Variants in OXR1 observed in about 807,000 individuals in gnomAD.
The protein encoded by OXR1 is oxidation resistance protein 1.
OXR1 carries 41 observed loss-of-function variants against 104.6 expected under a neutral mutation model. The observed-to-expected ratio is 0.39, with a 90% CI of 0.31 to 0.51. The LOEUF is 0.51. Ranked by LOEUF, OXR1 falls within the 20% of genes least tolerant of loss-of-function variation. OXR1 has a pLI of 0.77. For missense variants in OXR1, 955 were observed against 1,031.9 expected (o/e 0.93, Z 1.02); for synonymous variants, 348 against 348.4 (o/e 1.00, Z 0.01).
chr8:106,555,924 A>ATATG (rs1206959519), intron 3 of OXR1, among the ~76,000 whole-genome samples: 1 of 28,012 alleles, frequency 3.6e-5, no homozygotes, highest in African/African-American at 1.2e-4. Flanking sequence ...ATACGTATAT[A>ATATG]TATGTACATA....
chr8:106,275,899 T>C (rs1464157523), intron 1 of OXR1, among the ~76,000 whole-genome samples: 1 of 152,184 alleles, frequency 6.6e-6, no homozygotes, highest in African/African-American at 2.4e-5. Context: ...AGATAAGTAA[T>C]AGCAATGCAG....
At chr8:106,697,566 G>T in intron 7 of OXR1, 1 of 1,610,926 alleles carries the variant, frequency 6.2e-7, no homozygotes, top group South Asian at 1.1e-5. Flanking sequence ...TAGGGAACCA[G>T]TTGGGATCCC....
At chr8:106,447,089 A>G (rs906911840) in intron 2 of OXR1, among the ~76,000 whole-genome samples, 5 of 152,178 alleles carry the variant, frequency 3.3e-5, no homozygotes, top group African/African-American at 9.7e-5. Context: ...ATGTTGTGTA[A>G]TTTATAGCTG....
chr8:106,598,383 A>G (rs764614424), intron 3 of OXR1, among the ~76,000 whole-genome samples: 1 of 152,156 alleles, frequency 6.6e-6, no homozygotes, highest in South Asian at 2.1e-4. Context: ...TCACAGCTCT[A>G]TCACTACAGG....
chr8:106,629,640 A>G (rs558330302), intron 3 of OXR1, among the ~76,000 whole-genome samples: 1 of 152,350 alleles, frequency 6.6e-6, no homozygotes, highest in East Asian at 1.9e-4. Flanking sequence ...TGTAAAAAAC[A>G]CCAGTACAGA....
chr8:106,686,683 C>T (rs1828762268), intron 6 of OXR1, among the ~76,000 whole-genome samples: 1 of 151,982 alleles, frequency 6.6e-6, no homozygotes, highest in South Asian at 2.1e-4. Context: ...GTTTATATTA[C>T]CAGCAACCAC....
At chr8:106,383,304 A>G (rs1189067714) in intron 2 of OXR1, among the ~76,000 whole-genome samples, 3 of 152,142 alleles carry the variant, frequency 2.0e-5, no homozygotes, top group Admixed American at 1.3e-4. Flanking sequence ...CATAGTTAAC[A>G]TCATTGGTTT....
intron 2 of OXR1, among the ~76,000 whole-genome samples, chr8:106,511,375 T>C (rs892139119): frequency 6.6e-6 from 1 of 152,204 alleles, no homozygotes; most frequent in Non-Finnish European, 1.5e-5. Flanking sequence ...AATAATATTC[T>C]TACATTAGCT....
chr8:106,329,913 CAAA>C (rs372269322), intron 1 of OXR1, among the ~76,000 whole-genome samples: 1 of 133,320 alleles, frequency 7.5e-6, no homozygotes. Context: ...GAACTCAATT[CAAA>C]AAAAAAAAAA....
At chr8:106,601,722 A>G (rs988006235) in intron 3 of OXR1, among the ~76,000 whole-genome samples, 6 of 152,200 alleles carry the variant, frequency 3.9e-5, no homozygotes, top group African/African-American at 1.4e-4. Context: ...CCTCCTGCCT[A>G]TGGGAATGTG....
intron 2 of OXR1, among the ~76,000 whole-genome samples, chr8:106,500,023 A>C (rs1811680916): frequency 1.3e-5 from 2 of 152,254 alleles, no homozygotes; most frequent in Admixed American, 1.3e-4. Flanking sequence ...AGGAATCACA[A>C]GTGACTACTG....
intron 3 of OXR1, among the ~76,000 whole-genome samples, chr8:106,523,268 A>G (rs1184510849): frequency 6.6e-6 from 1 of 152,216 alleles, no homozygotes; most frequent in African/African-American, 2.4e-5. Flanking sequence ...AGGATCACCC[A>G]GGTAATTTTT....
intron 3 of OXR1, among the ~76,000 whole-genome samples, chr8:106,599,791 C>T (rs1033289245): frequency 1.3e-5 from 2 of 152,106 alleles, no homozygotes; most frequent in African/African-American, 2.4e-5. Flanking sequence ...CCAACCTTTT[C>T]GGTATCAGGG....
At chr8:106,742,360 A>G (rs1485433536) in intron 15 of OXR1, 43 bp downstream of exon 15, 17 of 1,114,636 alleles carry the variant, frequency 1.5e-5, no homozygotes, top group Non-Finnish European at 2.0e-5. Flanking sequence ...AAGAGTTGAC[A>G]TAACATACTG....
chr8:106,361,195 T>TG (rs1816230097), intron 2 of OXR1, among the ~76,000 whole-genome samples: 1 of 152,076 alleles, frequency 6.6e-6, no homozygotes. Context: ...TGGAAATGAG[T>TG]GAAAAAATGC....
chr8:106,324,129 G>T (rs1586523466), intron 1 of OXR1, among the ~76,000 whole-genome samples: 1 of 152,182 alleles, frequency 6.6e-6, no homozygotes, highest in East Asian at 1.9e-4. Context: ...ATCAATGACA[G>T]ATTGGATAAA....
intron 3 of OXR1, among the ~76,000 whole-genome samples, chr8:106,521,164 G>A (rs16874819): frequency 0.03 from 4,533 of 152,130 alleles, 229 homozygotes; most frequent in African/African-American, 0.1. Flanking sequence ...ATTAGCAACC[G>A]TATAATCACC....
At chr8:106,502,439 A>G (rs989410228) in intron 2 of OXR1, among the ~76,000 whole-genome samples, 10 of 152,158 alleles carry the variant, frequency 6.6e-5, no homozygotes, top group African/African-American at 2.2e-4. Context: ...ATCAATTATA[A>G]AATTTGAGAC....
chr8:106,387,091 T>C (rs1204250428), intron 2 of OXR1, among the ~76,000 whole-genome samples: 2 of 152,172 alleles, frequency 1.3e-5, no homozygotes, highest in African/African-American at 2.4e-5. Flanking sequence ...GAAATTGTTA[T>C]GTAAGCTGGG....
Sources: gnomAD v4.1 joint callset for allele counts (sites outside exome capture counted in the v4.1 genomes callset) on GRCh38, gnomAD v4.1.1 for gene constraint, MANE v1.5 for transcripts, NCBI Gene and HGNC (gene_info 2026-07-23, HGNC 2026-07-21) for gene names.